Variants in COBLL1 observed in about 807,000 individuals in gnomAD.
The protein encoded by COBLL1 is cordon-bleu protein-like 1.
A neutral mutation model predicts 94.8 loss-of-function variants in COBLL1; 50 were observed. The ratio of observed to expected loss-of-function variants is 0.53; its 90% CI spans 0.42 to 0.67. The LOEUF is 0.67. COBLL1 is among the 30% of genes least tolerant of loss of function. COBLL1 has a pLI of 0.00. For missense variants in COBLL1, 1,362 were observed against 1,348.7 expected (o/e 1.01, Z -0.15); for synonymous variants, 448 against 473.8 (o/e 0.95, Z 0.71).
intron 2 of COBLL1, among the ~76,000 whole-genome samples, chr2:164,787,828 C>T (rs1682946059): frequency 6.6e-6 from 1 of 152,186 alleles, no homozygotes; most frequent in Admixed American, 6.5e-5. Flanking sequence ...CCCATAGGAG[C>T]TTCTGAAAAA....
rs75747945 is a variant in COBLL1 at position 164,789,893 on chromosome 2, A to T, written c.42-46018T>A. Among the ~76,000 whole-genome samples, 228 of 152,348 alleles carry T rather than the reference A, an allele frequency of 1.5e-3. 1 individual carries two copies. The highest frequency in any genetic ancestry group is 1.7e-3 in the East Asian group (9 of 5,186). ...TTGATAGATATTTTACACACATTGG[A>T]CTGATTACGAACACGTGAATACTTC... On this transcript the variant is annotated intron_variant, in intron 2 of 13. Transcript: ENST00000652658.
downstream of COBLL1, among the ~76,000 whole-genome samples, chr2:164,678,485 C>CTTAAA: frequency 6.6e-6 from 1 of 152,170 alleles, no homozygotes; most frequent in South Asian, 2.1e-4. Context: ...GAAGCAAAGC[C>CTTAAA]TTAAAACTTT....
chr2:164,838,006 A>G (rs1346933779), intron 2 of COBLL1, among the ~76,000 whole-genome samples: 1 of 152,030 alleles, frequency 6.6e-6, no homozygotes, highest in East Asian at 1.9e-4. Context: ...ACATAGCAAG[A>G]CTCCAGCCTG....
chr2:164,841,915 C>A (rs1224164201), upstream of COBLL1: 17 of 1,464,482 alleles, frequency 1.2e-5, no homozygotes, highest in Non-Finnish European at 1.2e-5. The surrounding 1 kb of genome is among the most constrained non-coding windows in gnomAD (Gnocchi z 5.5). Context: ...CGGGCGCTGG[C>A]TGGGCGCTGG....
At chr2:164,817,486 A>C (rs1559044452) in intron 2 of COBLL1, among the ~76,000 whole-genome samples, 1 of 152,092 alleles carries the variant, frequency 6.6e-6, no homozygotes, top group Non-Finnish European at 1.5e-5. Flanking sequence ...AAGAACTTGC[A>C]CAGTTTCACC....
In COBLL1 at chr2:164,795,254, A is replaced by T. The variant is rs531019565; in HGVS notation, c.41+45902T>A. ...GCACTCACAAGTCTAAAGGGGTATA[A>T]ACTGAAAATTATTTGACAGAAGAAT... On this transcript the variant is annotated intron_variant, in intron 2 of 13. Transcript: ENST00000652658. 2.0e-5 allele frequency among the ~76,000 whole-genome samples: 3 copies of T among 152,310 alleles called. No individual in the cohort carries two copies. In the South Asian group the frequency reaches 6.2e-4, roughly 32 times the overall value.
chr2:164,793,853 T>C (rs1683309181), intron 2 of COBLL1, among the ~76,000 whole-genome samples: 1 of 152,248 alleles, frequency 6.6e-6, no homozygotes, highest in South Asian at 2.1e-4. Flanking sequence ...TTGTAAACTG[T>C]GACGGAGTAT....
In COBLL1 at chr2:164,694,732, C is replaced by T. The variant is rs752897859; in HGVS notation, c.2660G>A (p.Ser887Asn). 4.3e-6 allele frequency: 7 copies of T among 1,613,654 alleles called. No homozygotes were observed. Among genetic ancestry groups the T allele is most frequent in the Admixed American group, 1.7e-5 (1 of 59,924 alleles). The change falls in exon 12 of 14, where the codon AGT becomes AAT. Residue 887 changes from serine (S) to asparagine (N), a missense_variant. Coordinates refer to ENST00000652658, the MANE Select transcript of COBLL1 (RefSeq NM_001365672.2). The part of the protein sequence containing the change: ...GHYVTSAAAK[S>N]VHAAPNPAPK... ...AGCAGGATTAGGGGCAGCATGGACA[C>T]TCTTGGCAGCTGCAGATGTCACATA...
At chr2:164,658,040 G>A (rs554624893) in intron 2 of COBLL1, among the ~76,000 whole-genome samples, 6 of 152,194 alleles carry the variant, frequency 3.9e-5, no homozygotes, top group South Asian at 2.1e-4. Flanking sequence ...TGTCCCTCCC[G>A]CTGTGCTCTC....
intron 2 of COBLL1, among the ~76,000 whole-genome samples, chr2:164,769,314 G>C (rs1006290505): frequency 6.6e-6 from 1 of 152,112 alleles, no homozygotes; most frequent in Admixed American, 6.5e-5. Context: ...CAACAATCAG[G>C]CTGTCTTCTA....
At chr2:164,749,105 AAG>A (rs1437968775) in intron 2 of COBLL1, among the ~76,000 whole-genome samples, 2 of 152,154 alleles carry the variant, frequency 1.3e-5, no homozygotes, top group Non-Finnish European at 2.9e-5. Flanking sequence ...AATAGATAAA[AAG>A]AGGAAATAAA....
intron 11 of COBLL1, chr2:164,697,956 A>G (rs1433201811): frequency 6.6e-6 from 1 of 152,132 alleles, no homozygotes; most frequent in Non-Finnish European, 1.5e-5. Context: ...CAAGAAGGTG[A>G]TTTAGATAAG....
chr2:164,681,181 A>G lies in COBLL1; in HGVS notation c.*4765T>C, dbSNP rs1196171688. The G allele has an allele frequency of 2.0e-5, 3 of 152,140 alleles. No individual in the cohort carries two copies. Among genetic ancestry groups the G allele is most frequent in the African/African-American group, 7.2e-5 (3 of 41,428 alleles). 9.4% of individuals were successfully genotyped at this position (152,140 alleles called of 1,614,324 possible). On this transcript the variant is annotated 3_prime_UTR_variant, in exon 14 of 14. Transcript: ENST00000652658. ...ACCTATTGCCACATTAATGCTGTAT[A>G]TAAACCAACCACAAACCTTGGTGGT...
rs190923628 is a variant in COBLL1 at position 164,795,358 on chromosome 2, T to G, written c.41+45798A>C. Among the ~76,000 whole-genome samples, 592 of 152,306 alleles carry G rather than the reference T, an allele frequency of 3.9e-3. 7 individuals are homozygous for G. The highest frequency in any genetic ancestry group is 0.013 in the African/African-American group (559 of 41,550). On this transcript the variant is annotated intron_variant, in intron 2 of 13. Coordinates refer to ENST00000652658, the MANE Select transcript of COBLL1 (RefSeq NM_001365672.2). ...TACCTTTTTACTTTTGATAAAAATATGGAGTTCCCTCAAAGTTTAGTAAGT... is the reference window on the plus strand; with the variant it reads ...TACCTTTTTACTTTTGATAAAAATAGGGAGTTCCCTCAAAGTTTAGTAAGT...
intron 2 of COBLL1, among the ~76,000 whole-genome samples, chr2:164,810,669 T>C (rs1416900212): frequency 6.6e-6 from 1 of 151,780 alleles, no homozygotes; most frequent in African/African-American, 2.4e-5. Flanking sequence ...TTTTTACTAT[T>C]GAATTTTATT....
Position 164,700,597 on chromosome 2 carries a change from G to A in COBLL1, c.1385C>T (p.Ala462Val), listed in dbSNP as rs372492485. ...GAACTCTCCACTACCATTGCCAAGG[G>A]CTGAGTCAGGATCATTTTTCAGTGT... ...INTLKNDPDS[A>V]LGNGSGEFSQ... The change falls in exon 10 of 14, where the codon GCC (alanine) becomes GTC (valine). Residue 462 changes from alanine (A) to valine (V), a missense_variant. Physicochemically the swap from Ala to Val is moderately conservative, Grantham distance 64 (BLOSUM62 0). Coordinates refer to ENST00000652658, the MANE Select transcript of COBLL1 (RefSeq NM_001365672.2). 6.2e-7 allele frequency: 1 copy of A among 1,613,602 alleles called. No individual in the cohort carries two copies. The highest frequency in any genetic ancestry group is 8.5e-7 in the Non-Finnish European group (1 of 1,179,770).
chr2:164,704,621 C>T (rs2105455472), intron 8 of COBLL1, 103 bp from the exon 9 acceptor site: 1 of 961,960 alleles, frequency 1.0e-6, no homozygotes, highest in Non-Finnish European at 1.6e-6. Flanking sequence ...GTAAGCCTTG[C>T]TAGAAGCCAT....
intron 11 of COBLL1, among the ~76,000 whole-genome samples, chr2:164,698,714 T>G (rs1250225792): frequency 6.6e-6 from 1 of 151,914 alleles, no homozygotes; most frequent in Non-Finnish European, 1.5e-5. Context: ...GACTGCCTAA[T>G]TCAGTTGAGG....
At chr2:164,798,251 T>C (rs1245311389) in intron 2 of COBLL1, among the ~76,000 whole-genome samples, 1 of 152,238 alleles carries the variant, frequency 6.6e-6, no homozygotes, top group African/African-American at 2.4e-5. Flanking sequence ...ATCTCATCAT[T>C]TACTTTGTTG....
Sources: allele counts gnomAD v4.1 joint callset (sites outside exome capture counted in the v4.1 genomes callset), GRCh38; gene constraint gnomAD v4.1.1; non-coding constraint Gnocchi (gnomAD v3.1); transcripts MANE v1.5; gene names NCBI Gene and HGNC (gene_info 2026-07-23, HGNC 2026-07-21).